The following SNTG2 variants were observed in gnomAD, a reference collection of about 807,000 sequenced individuals.
The protein encoded by SNTG2 is syntrophin gamma 2.
In SNTG2, 74 loss-of-function variants were observed where a neutral mutation model predicts 70.9. The ratio of observed to expected loss-of-function variants is 1.04; its 90% CI spans 0.86 to 1.27. SNTG2 has a LOEUF of 1.27. Among genes scored for constraint, SNTG2 ranks in the 50% most tolerant of loss-of-function variants. The probability of loss-of-function intolerance (pLI) is 0.00; values close to 1 mark genes in which losing one functional copy is unlikely to be tolerated. For synonymous variants in SNTG2, 278 were observed against 273.8 expected (o/e 1.02, Z -0.15); for missense variants, 717 against 690.7 (o/e 1.04, Z -0.43).
intron 9 of SNTG2, among the ~76,000 whole-genome samples, chr2:1,226,118 T>C (rs1234812186): frequency 6.6e-6 from 1 of 152,206 alleles, no homozygotes; most frequent in Non-Finnish European, 1.5e-5. Context: ...TATTGACCAA[T>C]ACCAAATTCT....
At chr2:1,029,990 A>G (rs1660722165) in intron 1 of SNTG2, among the ~76,000 whole-genome samples, 1 of 152,106 alleles carries the variant, frequency 6.6e-6, no homozygotes, top group South Asian at 2.1e-4. Flanking sequence ...GTTGATGCAG[A>G]GTGACTCGGC....
At chr2:1,123,386 G>A (rs886370023) in intron 4 of SNTG2, among the ~76,000 whole-genome samples, 8 of 152,162 alleles carry the variant, frequency 5.3e-5, no homozygotes, top group Admixed American at 1.3e-4. Flanking sequence ...AGAATAGAAA[G>A]CCCAGAAGTA....
intron 1 of SNTG2, among the ~76,000 whole-genome samples, chr2:1,019,656 T>C (rs1660048798): frequency 6.6e-6 from 1 of 152,220 alleles, no homozygotes; most frequent in African/African-American, 2.4e-5. Context: ...AAGTTAATGA[T>C]AGTTCCACTG....
intron 14 of SNTG2, among the ~76,000 whole-genome samples, chr2:1,272,649 G>T (rs1679093034): frequency 6.6e-6 from 1 of 151,542 alleles, no homozygotes; most frequent in Non-Finnish European, 1.5e-5. Context: ...CAGGGAAAAA[G>T]TGTAGAAAGG....
chr2:1,036,907 C>A (rs1484584086), intron 1 of SNTG2, among the ~76,000 whole-genome samples: 3 of 152,152 alleles, frequency 2.0e-5, no homozygotes, highest in Admixed American at 2.0e-4. Context: ...GGCATTCATC[C>A]TATAGTGTCT....
intron 2 of SNTG2, among the ~76,000 whole-genome samples, chr2:1,094,206 G>T (rs13015973): frequency 2.2e-3 from 216 of 97,920 alleles, no homozygotes; most frequent in Middle Eastern, 7.6e-3. Context: ...AGGCCTTATA[G>T]GTGTGTCCTC....
chr2:1,158,003 T>G (rs1172923584), intron 6 of SNTG2, among the ~76,000 whole-genome samples: 1 of 152,196 alleles, frequency 6.6e-6, no homozygotes, highest in Non-Finnish European at 1.5e-5. Context: ...GCCGGCAGGT[T>G]TGGTACGGGG....
intron 4 of SNTG2, among the ~76,000 whole-genome samples, chr2:1,136,406 C>T (rs1438777182): frequency 6.6e-6 from 1 of 151,116 alleles, no homozygotes; most frequent in African/African-American, 2.4e-5. Context: ...AGAGCTGCCA[C>T]CAATGCATGG....
chr2:1,167,882 A>T (rs28707633), intron 7 of SNTG2, among the ~76,000 whole-genome samples: 3 of 54,066 alleles, frequency 5.5e-5, no homozygotes, highest in South Asian at 7.6e-4. Context: ...CAGAACTGAA[A>T]CCTACAGGCC....
At chr2:982,853 G>A (rs965265670) in intron 1 of SNTG2, among the ~76,000 whole-genome samples, 1 of 152,240 alleles carries the variant, frequency 6.6e-6, no homozygotes, top group Non-Finnish European at 1.5e-5. Context: ...CAGAGACTGT[G>A]CCTGGAGGAA....
chr2:1,185,797 T>C (rs1672209317), intron 8 of SNTG2, among the ~76,000 whole-genome samples: 1 of 152,168 alleles, frequency 6.6e-6, no homozygotes, highest in Non-Finnish European at 1.5e-5. Context: ...GCTAAGAAGG[T>C]CCCTGAAATG....
intron 8 of SNTG2, among the ~76,000 whole-genome samples, chr2:1,194,844 G>A (rs892593595): frequency 5.3e-5 from 8 of 152,050 alleles, no homozygotes; most frequent in African/African-American, 1.2e-4. Flanking sequence ...TGCCATCTAC[G>A]TTAGGTATTT....
chr2:1,222,528 G>GATCTTGTGTCTCTGCCAA lies in SNTG2; in HGVS notation c.719+13298_719+13299insATCTTGTGTCTCTGCCAA, dbSNP rs1572780111. On this transcript the variant is annotated intron_variant, in intron 9 of 16. Transcript: ENST00000308624. ...AGGGCGTCTCCCTGTCCTGCCTGCT[G>GATCTTGTGTCTCTGCCAA]CTGGAGGTGCTGGATCGCTGTAGAG... is the stretch of plus-strand genomic sequence containing the variant. Among the ~76,000 whole-genome samples the GATCTTGTGTCTCTGCCAA allele has an allele frequency of 2.4e-5, 3 of 126,800 alleles. No homozygotes were observed. In the East Asian group the frequency reaches 6.9e-4, roughly 29 times the overall value. 83.2% of individuals were successfully genotyped at this position (126,800 alleles called of 152,430 possible).
At chr2:1,164,466 C>T (rs111767122) in intron 6 of SNTG2, among the ~76,000 whole-genome samples, 928 of 40,074 alleles carry the variant, frequency 0.023, 17 homozygotes, top group African/African-American at 0.088. Context: ...TCTGTGTAGA[C>T]GAGAGGGCGG....
At chr2:1,282,358 T>C (rs923547163) in intron 14 of SNTG2, among the ~76,000 whole-genome samples, 19 of 152,230 alleles carry the variant, frequency 1.2e-4, no homozygotes, top group African/African-American at 4.6e-4. Context: ...ATGAAGTTAA[T>C]TTCTTCCTTT....
chr2:1,259,518 G>A (rs1282365911), intron 13 of SNTG2, 77 bp downstream of exon 13: 2 of 1,186,394 alleles, frequency 1.7e-6, no homozygotes, highest in Non-Finnish European at 2.5e-6. Flanking sequence ...AGGATTGTTT[G>A]TTCTGCGTGG....
intron 16 of SNTG2, among the ~76,000 whole-genome samples, chr2:1,332,046 A>G (rs1251289376): frequency 6.6e-6 from 1 of 151,968 alleles, no homozygotes; most frequent in Non-Finnish European, 1.5e-5. Context: ...ATGCGCTGCA[A>G]CGTCTCATCT....
At chr2:1,265,423 T>C (rs781152086) in intron 13 of SNTG2, among the ~76,000 whole-genome samples, 12 of 152,164 alleles carry the variant, frequency 7.9e-5, no homozygotes, top group Admixed American at 1.3e-4. Context: ...TGTGCACACA[T>C]ACACACACAC....
intron 8 of SNTG2, among the ~76,000 whole-genome samples, chr2:1,184,493 G>T (rs1444030332): frequency 6.6e-6 from 1 of 152,182 alleles, no homozygotes; most frequent in African/African-American, 2.4e-5. Flanking sequence ...ATAAAGAAAA[G>T]AGGTTTAATT....
Sources: gnomAD v4.1 joint callset for allele counts (sites outside exome capture counted in the v4.1 genomes callset) on GRCh38, gnomAD v4.1.1 for gene constraint, MANE v1.5 for transcripts, NCBI Gene and HGNC (gene_info 2026-07-23, HGNC 2026-07-21) for gene names.